SMC5: variants seen among roughly 807,000 people sequenced by gnomAD.
SMC5 encodes the protein structural maintenance of chromosomes 5.
In SMC5, 88 loss-of-function variants were observed where a neutral mutation model predicts 148.3. The observed-to-expected ratio is 0.59, with a 90% confidence interval of 0.50 to 0.71. The LOEUF (loss-of-function observed/expected upper bound fraction) is 0.71, where lower values mean the gene tolerates loss of function less well. SMC5 is among the 30% of genes least tolerant of loss of function. The pLI is 0.00. For synonymous variants in SMC5, 421 were observed against 432.8 expected, an observed-to-expected ratio of 0.97 and a Z score of 0.34; for missense variants, 1,142 against 1,298.9, an observed-to-expected ratio of 0.88 and a Z score of 1.86.
At chr9:70,275,257 G>T (rs2034556832) in intron 3 of SMC5, among the ~76,000 whole-genome samples, 5 of 151,902 alleles carry the variant, frequency 3.3e-5, no homozygotes. Context: ...TTTGGTGACG[G>T]GGTCTCACCC....
chr9:70,300,006 T>C, intron 9 of SMC5, 40 bp from the exon 10 acceptor site: 1 of 1,514,308 alleles, frequency 6.6e-7, no homozygotes, highest in Non-Finnish European at 8.8e-7. Context: ...TAATTAAAAT[T>C]TTCAGAGAAA....
At chr9:70,312,570 C>T (rs1054440115) in intron 11 of SMC5, among the ~76,000 whole-genome samples, 1 of 152,186 alleles carries the variant, frequency 6.6e-6, no homozygotes, top group Admixed American at 6.5e-5. Flanking sequence ...CGTGGATTTT[C>T]CACAAATGCT....
At chr9:70,262,388 A>G (rs1189792668) in intron 1 of SMC5, among the ~76,000 whole-genome samples, 1 of 152,218 alleles carries the variant, frequency 6.6e-6, no homozygotes, top group Non-Finnish European at 1.5e-5. Flanking sequence ...CTTTTTTAAC[A>G]AGTGACATCA....
intron 8 of SMC5, among the ~76,000 whole-genome samples, chr9:70,297,285 T>A (rs2035226893): frequency 6.6e-6 from 1 of 152,234 alleles, no homozygotes; most frequent in East Asian, 1.9e-4. Context: ...AATAAAGGTG[T>A]CGCTGTCTCA....
At chr9:70,274,052 C>T (rs1181739617) in intron 3 of SMC5, among the ~76,000 whole-genome samples, 1 of 152,194 alleles carries the variant, frequency 6.6e-6, no homozygotes, top group Non-Finnish European at 1.5e-5. Context: ...TGTCAATTTT[C>T]GCCTTATGTA....
intron 8 of SMC5, among the ~76,000 whole-genome samples, chr9:70,297,118 A>G (rs2035222381): frequency 6.6e-6 from 1 of 152,252 alleles, no homozygotes; most frequent in African/African-American, 2.4e-5. Flanking sequence ...GTTTGCATAT[A>G]CATAATGAGG....
Position 70,323,530 on chromosome 9 carries a change from G to A in SMC5, c.2198G>A (p.Arg733Gln), listed in dbSNP as rs59648118. 2,514 of 1,611,958 alleles carry A rather than the reference G, an allele frequency of 1.6e-3. 30 individuals are homozygous for A. The African/African-American group carries it at 0.025, about 16-fold the overall frequency. Residue 733 changes from arginine (R) to glutamine (Q), a missense_variant, in exon 16 of 25, where the codon CGA becomes CAA. By Grantham distance (43) the Arg-to-Gln change is conservative (BLOSUM62 1). Coordinates refer to ENST00000361138, the MANE Select transcript of SMC5 (RefSeq NM_015110.4). ...ACTTGCAATCTTGAAGAGGAAGAGC[G>A]AAAAGCAAGTACCAAAATCAAAGAA... Reference protein sequence around the residue: ...QDTCNLEEEERKASTKIKEIN... With the variant: ...QDTCNLEEEEQKASTKIKEIN...
In SMC5 at chr9:70,352,210, A is replaced by T; in HGVS notation, c.3185A>T (p.Tyr1062Phe). The change falls in exon 25 of 25, where the codon TAT (tyrosine) becomes TTT (phenylalanine). Residue 1062 changes from tyrosine to phenylalanine, a missense_variant. Physicochemically the swap from Tyr to Phe is conservative, Grantham distance 22. Transcript: ENST00000361138. ...TTACAGCTCCTGCAAAATCTTCCTT[A>T]TTCTGAAAAGATGACAGTTTTGTTT... Reference protein sequence around the residue: ...ITPKLLQNLPYSEKMTVLFVY... With the variant: ...ITPKLLQNLPFSEKMTVLFVY... 6.2e-7 allele frequency: 1 copy of T among 1,611,302 alleles called. No individual in the cohort carries two copies. The highest frequency in any genetic ancestry group is 2.2e-5 in the East Asian group (1 of 44,868).
chr9:70,307,482 G>T, intron 11 of SMC5, among the ~76,000 whole-genome samples: 1 of 151,536 alleles, frequency 6.6e-6, no homozygotes, highest in South Asian at 2.1e-4. Context: ...TCATAGAATT[G>T]TTTTATGTAT....
chr9:70,267,320 T>C (rs938023678), intron 2 of SMC5, among the ~76,000 whole-genome samples: 1 of 152,318 alleles, frequency 6.6e-6, no homozygotes, highest in African/African-American at 2.4e-5. Flanking sequence ...GCTCAGACTT[T>C]GTTTTCGGAC....
At chr9:70,333,470 C>T (rs1254916885) in intron 17 of SMC5, among the ~76,000 whole-genome samples, 2 of 152,136 alleles carry the variant, frequency 1.3e-5, no homozygotes, top group East Asian at 3.9e-4. Context: ...AAAACCCTGT[C>T]ATTAAAAAGA....
intron 18 of SMC5, 66 bp downstream of exon 18, chr9:70,344,335 A>G: frequency 7.9e-7 from 1 of 1,269,988 alleles, no homozygotes; most frequent in Non-Finnish European, 1.0e-6. Flanking sequence ...ATGGAATCTT[A>G]GCCATTGTAA....
chr9:70,347,767 G>A (rs2036705519), intron 21 of SMC5, 50 bp downstream of exon 21: 1 of 1,301,814 alleles, frequency 7.7e-7, no homozygotes, highest in Non-Finnish European at 1.1e-6. Context: ...TAATGAAATG[G>A]GAATGTAGAA....
chr9:70,294,848 A>G (rs765121685), intron 8 of SMC5, among the ~76,000 whole-genome samples: 2 of 152,182 alleles, frequency 1.3e-5, no homozygotes, highest in Non-Finnish European at 2.9e-5. Flanking sequence ...TTTAAGTCAC[A>G]TGATGACAGA....
At chr9:70,281,216 A>G (rs557100575) in intron 6 of SMC5, among the ~76,000 whole-genome samples, 1 of 151,484 alleles carries the variant, frequency 6.6e-6, no homozygotes, top group African/African-American at 2.4e-5. Context: ...TTTTTTTTGT[A>G]TTTTTAGTAG....
chr9:70,286,067 G>A (rs2034891258), intron 7 of SMC5, 133 bp from the exon 8 acceptor site: 1 of 654,062 alleles, frequency 1.5e-6, no homozygotes, highest in South Asian at 1.9e-5. Flanking sequence ...TTGGTATTTT[G>A]TTGATAATTA....
chr9:70,339,690 TTTTC>T (rs1362314492), intron 17 of SMC5, among the ~76,000 whole-genome samples: 1 of 152,224 alleles, frequency 6.6e-6, no homozygotes. Context: ...TTTTGTCCTT[TTTTC>T]TTTCTTGAAA....
Position 70,318,578 on chromosome 9 carries a change from C to G in SMC5, c.1871C>G (p.Ser624Cys). The change falls in exon 14 of 25, where the codon TCT (serine) becomes TGT (cysteine). Residue 624 changes from serine to cysteine, a missense_variant. Physicochemically the swap from Ser to Cys is moderately radical, Grantham distance 112. Around this residue, in one of 5 missense-constraint regions of SMC5, gnomAD observed 743 missense variants for 835.7 expected, o/e 0.89. Transcript: ENST00000361138. ...GAAGAAAAGTATGTGGTGAAAACTT[C>G]TTTTTATTCAAACAAAGTTATTTCT... is the stretch of plus-strand genomic sequence containing the variant. The part of the protein sequence containing the change: ...TAEEKYVVKT[S>C]FYSNKVISSN... 6.2e-7 allele frequency: 1 copy of G among 1,612,388 alleles called. No individual in the cohort carries two copies. The highest frequency in any genetic ancestry group is 1.7e-4 in the Middle Eastern group (1 of 6,052).
rs1462482144 is a variant in SMC5, at chr9:70,350,310, G to T, written c.3069+17G>T. The stretch of plus-strand genomic sequence containing the variant: ...ATCAATCAGGTATGGTGATTGTTCT[G>T]TTACTTGGATCTTCTTATATCCTGT... On this transcript the variant is annotated intron_variant, in intron 23 of 24. Coordinates refer to ENST00000361138, the MANE Select transcript of SMC5 (RefSeq NM_015110.4). The T allele has an allele frequency of 5.6e-6, 9 of 1,611,452 alleles. No individual in the cohort carries two copies. In the Middle Eastern group the frequency reaches 9.9e-4, roughly 178 times the overall value.
Sources: allele counts gnomAD v4.1 joint callset (sites outside exome capture counted in the v4.1 genomes callset), GRCh38; gene constraint gnomAD v4.1.1; regional missense constraint gnomAD v4.1.1; transcripts MANE v1.5; gene names NCBI Gene and HGNC (gene_info 2026-07-23, HGNC 2026-07-21).